AKT3: variants seen among roughly 807,000 people sequenced by gnomAD.
The protein encoded by AKT3 is AKT serine/threonine kinase 3.
AKT3 carries 15 observed loss-of-function variants against 65.3 expected under a neutral mutation model. That is an observed-to-expected ratio of 0.23 (90% CI 0.15 to 0.35). The LOEUF (loss-of-function observed/expected upper bound fraction) is 0.35, where lower values mean the gene tolerates loss of function less well. Among genes scored for constraint, AKT3 ranks in the 10% least tolerant of loss-of-function variants. AKT3 has a pLI of 1.00. For synonymous variants in AKT3, 206 were observed against 183.8 expected (o/e 1.12, Z -0.98); for missense variants, 243 against 576.5 (o/e 0.42, Z 5.92).
chr1:243,522,952 C>T (rs1670813926), intron 12 of AKT3, among the ~76,000 whole-genome samples: 1 of 152,060 alleles, frequency 6.6e-6, no homozygotes, highest in Non-Finnish European at 1.5e-5. Context: ...TAATACCACA[C>T]CAGATGAATG....
chr1:243,520,322 A>G (rs545205136), intron 12 of AKT3, among the ~76,000 whole-genome samples: 93 of 152,328 alleles, frequency 6.1e-4, no homozygotes, highest in African/African-American at 2.0e-3. Flanking sequence ...ACCTCAGAAG[A>G]AACTAACCCT....
intron 2 of AKT3, among the ~76,000 whole-genome samples, chr1:243,762,913 T>A (rs575851856): frequency 2.8e-4 from 42 of 152,032 alleles, no homozygotes; most frequent in Non-Finnish European, 5.0e-4. Flanking sequence ...TAACAACTTA[T>A]GAAAGCAAAA....
intron 8 of AKT3, among the ~76,000 whole-genome samples, chr1:243,586,374 C>T (rs2148539392): frequency 1.3e-5 from 2 of 152,266 alleles, no homozygotes; most frequent in Non-Finnish European, 2.9e-5. Flanking sequence ...TACCATTTGA[C>T]CCAGCAATCA....
intron 4 of AKT3, among the ~76,000 whole-genome samples, chr1:243,649,582 G>C (rs962364187): frequency 9.9e-5 from 15 of 151,782 alleles, no homozygotes; most frequent in Non-Finnish European, 2.1e-4. Context: ...CTCCCTGACA[G>C]GCCCCAGTAT....
chr1:243,544,835 T>G (rs1051616813), intron 12 of AKT3, among the ~76,000 whole-genome samples: 1 of 151,648 alleles, frequency 6.6e-6, no homozygotes, highest in African/African-American at 2.4e-5. Flanking sequence ...AGCAGCCTTC[T>G]TAGGAGTGCG....
At position 243,686,652 on chromosome 1, in the gene AKT3, T is replaced by TATATATATATATATATA. The variant is rs373666457; in HGVS notation, c.172+8938_172+8939insTATATATATATATATAT. On this transcript the variant is annotated intron_variant, in intron 3 of 13. Transcript: ENST00000673466. ...TTTCATATATATATATATATATATA[T>TATATATATATATATATA]TTTTTTTTTTTTTTTTTTTTTTTTT... is the stretch of plus-strand genomic sequence containing the variant. Among the ~76,000 whole-genome samples the TATATATATATATATATA allele has an allele frequency of 7.4e-3, 93 of 12,606 alleles. 2 individuals are homozygous for TATATATATATATATATA. Among genetic ancestry groups the TATATATATATATATATA allele is most frequent in the Non-Finnish European group, 8.3e-3 (57 of 6,836 alleles). 8.3% of individuals were successfully genotyped at this position (12,606 alleles called of 152,430 possible).
intron 4 of AKT3, among the ~76,000 whole-genome samples, chr1:243,648,583 G>C (rs1681029384): frequency 6.6e-6 from 1 of 152,054 alleles, no homozygotes; most frequent in African/African-American, 2.4e-5. Context: ...GGTGACAGTG[G>C]CCTTATAAAA....
chr1:243,719,632 C>G (rs1686749582), intron 2 of AKT3, among the ~76,000 whole-genome samples: 1 of 152,104 alleles, frequency 6.6e-6, no homozygotes, highest in African/African-American at 2.4e-5. Context: ...CATGTAAGGT[C>G]AAAACAATGT....
intron 3 of AKT3, among the ~76,000 whole-genome samples, chr1:243,685,114 CTAA>C: frequency 6.6e-6 from 1 of 152,190 alleles, no homozygotes; most frequent in Non-Finnish European, 1.5e-5. Flanking sequence ...CCTGTTCACT[CTAA>C]TGATAGTTTC....
chr1:243,622,018 G>T (rs1289892478), intron 6 of AKT3, among the ~76,000 whole-genome samples: 2 of 152,144 alleles, frequency 1.3e-5, no homozygotes, highest in East Asian at 3.8e-4. Flanking sequence ...CAGCCAAAGT[G>T]ATACTGAAAA....
chr1:243,551,157 C>G (rs1265738387), intron 11 of AKT3, among the ~76,000 whole-genome samples: 1 of 151,982 alleles, frequency 6.6e-6, no homozygotes, highest in Non-Finnish European at 1.5e-5. Context: ...AACTTGACTT[C>G]TACTCTTGGT....
chr1:243,633,163 A>T (rs1238813168), intron 6 of AKT3, among the ~76,000 whole-genome samples: 1 of 152,226 alleles, frequency 6.6e-6, no homozygotes, highest in Admixed American at 6.5e-5. Context: ...TCTTTCAAAA[A>T]ATGAGGGAGG....
intron 3 of AKT3, among the ~76,000 whole-genome samples, chr1:243,686,796 T>C (rs1684358514): frequency 6.7e-6 from 1 of 148,316 alleles, no homozygotes; most frequent in South Asian, 2.2e-4. Flanking sequence ...GCCCAGTAGC[T>C]GGGACTATAG....
At chr1:243,710,473 C>T (rs924447307) in intron 2 of AKT3, among the ~76,000 whole-genome samples, 9 of 152,116 alleles carry the variant, frequency 5.9e-5, no homozygotes, top group South Asian at 2.1e-4. Flanking sequence ...TCTAGTGTAA[C>T]CAATTTATTC....
At chr1:243,552,098 T>C (rs1490878706) in intron 11 of AKT3, among the ~76,000 whole-genome samples, 1 of 151,980 alleles carries the variant, frequency 6.6e-6, no homozygotes, top group African/African-American at 2.4e-5. Flanking sequence ...AAGACTAGCC[T>C]GGCCAACTTG....
intron 2 of AKT3, among the ~76,000 whole-genome samples, chr1:243,732,279 A>G (rs1212546856): frequency 6.6e-6 from 1 of 152,140 alleles, no homozygotes; most frequent in East Asian, 1.9e-4. Flanking sequence ...CAAGATACCC[A>G]CACTTCCAGC....
intron 9 of AKT3, among the ~76,000 whole-genome samples, chr1:243,565,483 T>C (rs931611397): frequency 6.6e-6 from 1 of 152,120 alleles, no homozygotes; most frequent in Non-Finnish European, 1.5e-5. Context: ...CCTCAGCCTC[T>C]CAAAGTTCTG....
intron 12 of AKT3, among the ~76,000 whole-genome samples, chr1:243,523,306 C>CACA (rs1553395180): frequency 3.1e-4 from 46 of 147,180 alleles, no homozygotes; most frequent in African/African-American, 1.1e-3. Flanking sequence ...CACACACACA[C>CACA]ACCTTTCAGA....
At chr1:243,685,617 C>A (rs1049805504) in intron 3 of AKT3, among the ~76,000 whole-genome samples, 5 of 152,104 alleles carry the variant, frequency 3.3e-5, no homozygotes. Context: ...TAGCGTGATG[C>A]CTCCAGCTTT....
Sources: allele counts gnomAD v4.1 joint callset (sites outside exome capture counted in the v4.1 genomes callset), GRCh38; gene constraint gnomAD v4.1.1; transcripts MANE v1.5; gene names NCBI Gene and HGNC (gene_info 2026-07-23, HGNC 2026-07-21).